RAF1: variants seen among roughly 807,000 people sequenced by gnomAD.
RAF1 encodes the protein RAF proto-oncogene serine/threonine-protein kinase.
In RAF1, 27 loss-of-function variants were observed where a neutral mutation model predicts 81.1. The ratio of observed to expected loss-of-function variants is 0.33; its 90% CI spans 0.25 to 0.46. The LOEUF is 0.46. RAF1 is among the 20% of genes least tolerant of loss of function. The probability of loss-of-function intolerance (pLI) is 1.00; values close to 1 mark genes in which losing one functional copy is unlikely to be tolerated. For missense variants in RAF1, 598 were observed against 826.0 expected (o/e 0.72, Z 3.38); for synonymous variants, 298 against 294.0 (o/e 1.01, Z -0.14).
At chr3:12,633,197 C>T (rs745763755) in intron 1 of RAF1, among the ~76,000 whole-genome samples, 1 of 151,880 alleles carries the variant, frequency 6.6e-6, no homozygotes, top group African/African-American at 2.4e-5. Flanking sequence ...GACCAAAACA[C>T]ACAGAGAAAA....
At chr3:12,595,106 C>T (rs376238646) in intron 11 of RAF1, among the ~76,000 whole-genome samples, 1 of 152,168 alleles carries the variant, frequency 6.6e-6, no homozygotes, top group South Asian at 2.1e-4. Context: ...CTTGCTCTGT[C>T]ACCGAGGCTG....
intron 1 of RAF1, among the ~76,000 whole-genome samples, chr3:12,645,051 A>AGC (rs1285246491): frequency 6.8e-6 from 1 of 147,714 alleles, no homozygotes; most frequent in Non-Finnish European, 1.5e-5. Context: ...GTGAGCCAAG[A>AGC]GCGCATCACT....
intron 1 of RAF1, among the ~76,000 whole-genome samples, chr3:12,655,130 T>C (rs1273133333): frequency 6.6e-6 from 1 of 152,234 alleles, no homozygotes; most frequent in Non-Finnish European, 1.5e-5. Flanking sequence ...CTCACTCTTG[T>C]GGAGTGCAAT....
chr3:12,611,600 T>A (rs1053629785), intron 3 of RAF1, among the ~76,000 whole-genome samples: 1 of 152,058 alleles, frequency 6.6e-6, no homozygotes, highest in African/African-American at 2.4e-5. Context: ...CTCCGGAGGC[T>A]GAGGCAGGAA....
intron 2 of RAF1, among the ~76,000 whole-genome samples, chr3:12,617,145 C>T (rs1019974136): frequency 6.6e-6 from 1 of 152,060 alleles, no homozygotes; most frequent in African/African-American, 2.4e-5. Context: ...TATAGTCTCA[C>T]CCTTTCGCCC....
At chr3:12,651,181 C>T (rs1018890820) in intron 1 of RAF1, among the ~76,000 whole-genome samples, 2 of 152,270 alleles carry the variant, frequency 1.3e-5, no homozygotes, top group Non-Finnish European at 2.9e-5. Flanking sequence ...TTAAACATTA[C>T]ATGTATTAGA....
At chr3:12,634,402 C>T (rs1298209958) in intron 1 of RAF1, among the ~76,000 whole-genome samples, 7 of 151,972 alleles carry the variant, frequency 4.6e-5, no homozygotes, top group Non-Finnish European at 1.0e-4. Context: ...CCACCCGCCT[C>T]GGCCTCCCAA....
intron 1 of RAF1, among the ~76,000 whole-genome samples, chr3:12,627,432 T>TA (rs1198542927): frequency 2.0e-5 from 3 of 152,172 alleles, no homozygotes; most frequent in Non-Finnish European, 4.4e-5. Flanking sequence ...ACTATTCCGT[T>TA]AAAAAATTAC....
intron 1 of RAF1, among the ~76,000 whole-genome samples, chr3:12,632,657 C>A (rs1305244224): frequency 6.6e-6 from 1 of 152,128 alleles, no homozygotes; most frequent in African/African-American, 2.4e-5. Flanking sequence ...AAGTAGAATT[C>A]AACAACCTAG....
At chr3:12,611,468 C>T (rs2059204761) in intron 3 of RAF1, among the ~76,000 whole-genome samples, 1 of 152,178 alleles carries the variant, frequency 6.6e-6, no homozygotes, top group Admixed American at 6.5e-5. Context: ...ACCCTCTTGC[C>T]TCAGTTTCCC....
chr3:12,608,692 T>C, intron 5 of RAF1, 74 bp downstream of exon 5: 1 of 1,520,968 alleles, frequency 6.6e-7, no homozygotes, highest in Non-Finnish European at 9.1e-7. Flanking sequence ...TCAGTCAAAA[T>C]CTACAACAAA....
At chr3:12,658,125 C>G (rs779394921) in intron 1 of RAF1, among the ~76,000 whole-genome samples, 2 of 152,142 alleles carry the variant, frequency 1.3e-5, no homozygotes, top group African/African-American at 2.4e-5. Flanking sequence ...GCTTCCATAT[C>G]CACTTGGAAT....
At chr3:12,604,409 A>C in intron 6 of RAF1, 120 bp from the exon 7 acceptor site, 1 of 1,063,064 alleles carries the variant, frequency 9.4e-7, no homozygotes, top group Admixed American at 2.0e-5. Context: ...ACAACCTTTG[A>C]CAAAATGTTT....
In RAF1 at chr3:12,599,713, A is replaced by G. The variant is rs11549991; in HGVS notation, c.1146T>C (p.Thr382=). ...TACCGTGCCATTTACCCTTATAAAC[A>G]GTTCCAAAAGAGCCTGACCCAATCC... Residue 382 remains threonine, a synonymous_variant, in exon 11 of 18, where the codon ACT becomes ACC. Transcript: ENST00000442415. 8 of 1,614,070 alleles carry G rather than the reference A, an allele frequency of 5.0e-6. No homozygotes were observed. Among genetic ancestry groups the G allele is most frequent in the Non-Finnish European group, 6.8e-6 (8 of 1,179,952 alleles).
intron 2 of RAF1, among the ~76,000 whole-genome samples, chr3:12,614,982 C>T (rs564132609): frequency 2.0e-5 from 3 of 152,226 alleles, no homozygotes; most frequent in Non-Finnish European, 2.9e-5. Context: ...CTAAATCATA[C>T]TGCAAGCTGG....
chr3:12,600,081 G>A (rs946482710), intron 10 of RAF1, 71 bp downstream of exon 9: 1 of 1,586,810 alleles, frequency 6.3e-7, no homozygotes, highest in East Asian at 2.2e-5. Flanking sequence ...ATAAGTTTAA[G>A]TATTCTAATT....
chr3:12,649,607 AC>A (rs2060459225), intron 1 of RAF1, among the ~76,000 whole-genome samples: 1 of 152,024 alleles, frequency 6.6e-6, no homozygotes, highest in Non-Finnish European at 1.5e-5. Flanking sequence ...ACACACACAC[AC>A]ACACACACAC....
At chr3:12,608,970 G>T in intron 4 of RAF1, 47 bp from the exon 5 acceptor site, 2 of 1,607,256 alleles carry the variant, frequency 1.2e-6, no homozygotes, top group Non-Finnish European at 1.7e-6. Flanking sequence ...AATAAAAGAT[G>T]ACAAAAGACA....
chr3:12,605,925 C>T (rs1334596617), intron 6 of RAF1, among the ~76,000 whole-genome samples: 1 of 152,156 alleles, frequency 6.6e-6, no homozygotes, highest in Admixed American at 6.6e-5. Context: ...AAAGCAGAAT[C>T]TCAAGCTCTT....
Sources: gnomAD v4.1 joint callset for allele counts (sites outside exome capture counted in the v4.1 genomes callset) on GRCh38, gnomAD v4.1.1 for gene constraint, MANE v1.5 for transcripts, NCBI Gene and HGNC (gene_info 2026-07-23, HGNC 2026-07-21) for gene names.